The following ERBB4 variants were observed in gnomAD, a reference collection of about 807,000 sequenced individuals.
The protein encoded by ERBB4 is erb-b2 receptor tyrosine kinase 4.
A neutral mutation model predicts 158.0 loss-of-function variants in ERBB4; 42 were observed. That is an observed-to-expected ratio of 0.27 (90% confidence interval 0.21 to 0.34). The LOEUF is 0.34. Among genes scored for constraint, ERBB4 ranks in the 10% least tolerant of loss-of-function variants. The pLI is 1.00. For missense variants in ERBB4, 1,333 were observed against 1,624.1 expected (o/e 0.82, Z 3.08); for synonymous variants, 583 against 558.7 (o/e 1.04, Z -0.61).
chr2:212,518,339 G>A (rs190475588), intron 1 of ERBB4, among the ~76,000 whole-genome samples: 139 of 152,022 alleles, frequency 9.1e-4, no homozygotes, highest in African/African-American at 1.9e-3. Context: ...TCATAAAGCC[G>A]TCACTGCAAA....
intron 1 of ERBB4, among the ~76,000 whole-genome samples, chr2:212,206,872 G>A (rs1442192996): frequency 6.6e-6 from 1 of 151,878 alleles, no homozygotes; most frequent in African/African-American, 2.4e-5. Flanking sequence ...ACAGGCATGA[G>A]CCACCGCGCC....
chr2:211,515,506 T>C (rs1010316035), intron 20 of ERBB4, among the ~76,000 whole-genome samples: 1 of 152,074 alleles, frequency 6.6e-6, no homozygotes, highest in Non-Finnish European at 1.5e-5. Context: ...GTAGACTGCA[T>C]ATTAGAAGAG....
chr2:211,440,871 T>C (rs2063958357), intron 20 of ERBB4, among the ~76,000 whole-genome samples: 1 of 152,030 alleles, frequency 6.6e-6, no homozygotes, highest in Non-Finnish European at 1.5e-5. Context: ...ACATAAGGGG[T>C]TGAAAAGTGT....
At chr2:212,480,936 A>G (rs755580915) in intron 1 of ERBB4, among the ~76,000 whole-genome samples, 2 of 152,166 alleles carry the variant, frequency 1.3e-5, no homozygotes, top group African/African-American at 2.4e-5. Flanking sequence ...ACATAAACAT[A>G]ATTGCCCTCT....
chr2:212,192,915 A>C (rs181865559), intron 1 of ERBB4, among the ~76,000 whole-genome samples: 1 of 152,156 alleles, frequency 6.6e-6, no homozygotes, highest in Non-Finnish European at 1.5e-5. Flanking sequence ...AAACAACTAA[A>C]GTTGTTTTGT....
chr2:211,759,158 C>A (rs960552534), intron 4 of ERBB4, among the ~76,000 whole-genome samples: 1 of 152,158 alleles, frequency 6.6e-6, no homozygotes, highest in African/African-American at 2.4e-5. Flanking sequence ...CAGCCCAGAT[C>A]CAAATTCATG....
intron 4 of ERBB4, among the ~76,000 whole-genome samples, chr2:211,774,413 C>G (rs2075821222): frequency 6.6e-6 from 1 of 151,974 alleles, no homozygotes; most frequent in African/African-American, 2.4e-5. Flanking sequence ...TAAGCTAGGG[C>G]CTGTAGGCTT....
At chr2:212,497,469 G>A (rs138051474) in intron 1 of ERBB4, among the ~76,000 whole-genome samples, 97 of 152,178 alleles carry the variant, frequency 6.4e-4, no homozygotes, top group African/African-American at 2.2e-3. Flanking sequence ...TGCTGAAGAC[G>A]TGACAGTGCA....
chr2:212,168,523 T>C (rs2081418372), intron 1 of ERBB4, among the ~76,000 whole-genome samples: 1 of 152,150 alleles, frequency 6.6e-6, no homozygotes, highest in South Asian at 2.1e-4. Flanking sequence ...CATTTCATAA[T>C]TCCAGATTCT....
chr2:212,460,662 T>C (rs1357293665), intron 1 of ERBB4, among the ~76,000 whole-genome samples: 11 of 152,166 alleles, frequency 7.2e-5, no homozygotes, highest in Non-Finnish European at 1.6e-4. Context: ...AGAAGTGACT[T>C]AGATGCTGTT....
chr2:212,304,499 C>G (rs2086736357), intron 1 of ERBB4, among the ~76,000 whole-genome samples: 1 of 151,404 alleles, frequency 6.6e-6, no homozygotes. Flanking sequence ...GTAGCATATC[C>G]AGAGACTTAT....
intron 2 of ERBB4, among the ~76,000 whole-genome samples, chr2:212,112,955 A>G (rs1299707972): frequency 6.6e-6 from 1 of 152,192 alleles, no homozygotes; most frequent in African/African-American, 2.4e-5. Context: ...ACTCTGTACA[A>G]TCTTCATAAA....
At chr2:211,809,929 G>C (rs2076710392) in intron 3 of ERBB4, among the ~76,000 whole-genome samples, 1 of 152,088 alleles carries the variant, frequency 6.6e-6, no homozygotes, top group Non-Finnish European at 1.5e-5. Flanking sequence ...TTTTATTTCT[G>C]CCTTCATTTC....
chr2:212,308,478 T>A (rs546373338), intron 1 of ERBB4, among the ~76,000 whole-genome samples: 1 of 151,054 alleles, frequency 6.6e-6, no homozygotes, highest in African/African-American at 2.4e-5. Context: ...ATTCTCCAAG[T>A]GGTATTTCTT....
chr2:212,007,854 C>G (rs1347900750), intron 2 of ERBB4, among the ~76,000 whole-genome samples: 1 of 151,858 alleles, frequency 6.6e-6, no homozygotes, highest in Admixed American at 6.6e-5. Flanking sequence ...AAAATTTAAA[C>G]ATAATTTTAA....
intron 1 of ERBB4, among the ~76,000 whole-genome samples, chr2:212,352,944 A>C (rs542221998): frequency 1.3e-5 from 2 of 152,144 alleles, no homozygotes; most frequent in East Asian, 3.9e-4. Context: ...ATTTTTTTTC[A>C]TGGGCAAATT....
At chr2:211,551,157 T>G (rs968197430) in intron 20 of ERBB4, among the ~76,000 whole-genome samples, 1 of 152,210 alleles carries the variant, frequency 6.6e-6, no homozygotes, top group Non-Finnish European at 1.5e-5. Context: ...TTCCTTAGAC[T>G]AGTATGCAGT....
intron 2 of ERBB4, among the ~76,000 whole-genome samples, chr2:212,040,934 CT>C (rs2077126718): frequency 2.0e-5 from 3 of 152,214 alleles, no homozygotes; most frequent in African/African-American, 7.2e-5. Context: ...TTTAACTATT[CT>C]GTTCTAATCT....
chr2:211,635,679 T>C (rs2070330854), intron 16 of ERBB4, among the ~76,000 whole-genome samples: 1 of 152,154 alleles, frequency 6.6e-6, no homozygotes, highest in Non-Finnish European at 1.5e-5. Flanking sequence ...TGTTATACTC[T>C]TTCTATTTAA....
Sources: gnomAD v4.1 joint callset for allele counts (sites outside exome capture counted in the v4.1 genomes callset) on GRCh38, gnomAD v4.1.1 for gene constraint, MANE v1.5 for transcripts, NCBI Gene and HGNC (gene_info 2026-07-23, HGNC 2026-07-21) for gene names.